ADAMTS6: variants seen among roughly 807,000 people sequenced by gnomAD.
The protein encoded by ADAMTS6 is ADAM metallopeptidase with thrombospondin type 1 motif 6.
Under a neutral mutation model 144.3 loss-of-function variants are expected in ADAMTS6, and 23 were observed. That is an observed-to-expected ratio of 0.16 (90% confidence interval 0.11 to 0.23). The LOEUF is 0.23. Ranked by LOEUF, ADAMTS6 falls within the 10% of genes least tolerant of loss-of-function variation. ADAMTS6 has a pLI of 1.00. For synonymous variants in ADAMTS6, 444 were observed against 457.5 expected (o/e 0.97, Z 0.38); for missense variants, 999 against 1,379.6 (o/e 0.72, Z 4.37).
intron 11 of ADAMTS6, among the ~76,000 whole-genome samples, chr5:65,276,483 C>CT (rs1012992001): frequency 2.6e-5 from 4 of 151,920 alleles, no homozygotes; most frequent in Non-Finnish European, 5.9e-5. Flanking sequence ...TTTCCCAAGA[C>CT]TTTTTTTTCT....
rs947173856 is a variant in ADAMTS6, at chr5:65,160,814, G to A, written c.3245-8869C>T. Among the ~76,000 whole-genome samples, 7 of 151,588 alleles carry A rather than the reference G, an allele frequency of 4.6e-5. No individual in the cohort carries two copies. The South Asian group carries it at 8.3e-4, about 18-fold the overall frequency. On this transcript the variant is annotated intron_variant, in intron 24 of 24. Coordinates refer to ENST00000381055, the MANE Select transcript of ADAMTS6 (RefSeq NM_197941.4). The stretch of plus-strand genomic sequence containing the variant: ...ATTACAGGCATGTGCCACCATGCCC[G>A]GATAATTTTGTATTTTTAGTAGAGA...
intron 7 of ADAMTS6, among the ~76,000 whole-genome samples, chr5:65,391,058 C>T (rs1752873390): frequency 6.6e-6 from 1 of 151,518 alleles, no homozygotes; most frequent in Non-Finnish European, 1.5e-5. Flanking sequence ...CTAGTTGAGA[C>T]TATAGGCACA....
At chr5:65,165,750 T>G (rs1753099440) in intron 24 of ADAMTS6, among the ~76,000 whole-genome samples, 1 of 76,866 alleles carries the variant, frequency 1.3e-5, no homozygotes, top group African/African-American at 5.7e-5. Flanking sequence ...GAAAAGAATT[T>G]TCAACCCAGA....
chr5:65,217,216 T>C (rs1756996273), intron 18 of ADAMTS6, among the ~76,000 whole-genome samples: 1 of 152,200 alleles, frequency 6.6e-6, no homozygotes, highest in Non-Finnish European at 1.5e-5. Flanking sequence ...GTACTTAAAA[T>C]TTTTTATTTT....
chr5:65,424,324 T>C (rs1756322088), intron 7 of ADAMTS6, among the ~76,000 whole-genome samples: 1 of 152,224 alleles, frequency 6.6e-6, no homozygotes, highest in African/African-American at 2.4e-5. Flanking sequence ...ATGGACAGTT[T>C]TAGTTAGAAA....
Position 65,221,683 on chromosome 5 carries a change from T to C in ADAMTS6, c.2272+2637A>G, listed in dbSNP as rs114794230. ...AAAAAGAAATAAAGGGCATAAAGAT[T>C]GGAAAGATAGAAGTAAAAGTGCCTT... On this transcript the variant is annotated intron_variant, in intron 18 of 24. Transcript: ENST00000381055. 2.1e-3 allele frequency among the ~76,000 whole-genome samples: 315 copies of C among 152,214 alleles called. 1 individual carries two copies. Among genetic ancestry groups the C allele is most frequent in the Non-Finnish European group, 3.7e-3 (253 of 67,982 alleles).
chr5:65,423,099 T>C (rs564661612), intron 7 of ADAMTS6, among the ~76,000 whole-genome samples: 2 of 152,286 alleles, frequency 1.3e-5, no homozygotes, highest in East Asian at 1.9e-4. Context: ...TTCTGAATTA[T>C]AAATGGGAGC....
chr5:65,392,225 C>T (rs1752981524), intron 7 of ADAMTS6, among the ~76,000 whole-genome samples: 1 of 147,894 alleles, frequency 6.8e-6, no homozygotes, highest in Non-Finnish European at 1.5e-5. Context: ...AAGATGTTAT[C>T]TGATTTCTCC....
chr5:65,443,801 CTA>C (rs1379823021), intron 7 of ADAMTS6, among the ~76,000 whole-genome samples: 12 of 149,936 alleles, frequency 8.0e-5, no homozygotes, highest in Admixed American at 8.0e-4. Context: ...TCTCAGCAAA[CTA>C]TGAACACAAG....
At chr5:65,234,228 AT>A in intron 15 of ADAMTS6, among the ~76,000 whole-genome samples, 1 of 152,126 alleles carries the variant, frequency 6.6e-6, no homozygotes, top group Middle Eastern at 3.4e-3. Flanking sequence ...CTTGGCAACG[AT>A]TTTTTGGATA....
Position 65,273,508 on chromosome 5 carries a change from A to C in ADAMTS6, c.1513-61T>G, listed in dbSNP as rs192026491. The C allele has an allele frequency of 1.1e-4, 149 of 1,348,742 alleles. 2 individuals carry two copies. In the East Asian group the frequency reaches 3.2e-3, roughly 29 times the overall value. The allele number at this position is 1,348,742 out of a possible 1,614,324, so 83.5% of individuals were successfully genotyped here. Reference sequence around the variant, plus strand: ...AGAGTCATGTCCAATTCTTCCATAAAATACACTTACAGTCACTCTGCATTA... The same window carrying C: ...AGAGTCATGTCCAATTCTTCCATAACATACACTTACAGTCACTCTGCATTA... On this transcript the variant is annotated intron_variant, in intron 11 of 24. Coordinates refer to ENST00000381055, the MANE Select transcript of ADAMTS6 (RefSeq NM_197941.4).
intron 7 of ADAMTS6, among the ~76,000 whole-genome samples, chr5:65,356,414 C>T (rs961158248): frequency 1.3e-4 from 19 of 151,774 alleles, no homozygotes; most frequent in African/African-American, 4.3e-4. Context: ...TATCATTGAA[C>T]CTCTCCACAA....
intron 3 of ADAMTS6, among the ~76,000 whole-genome samples, chr5:65,470,204 A>T (rs1760327697): frequency 6.6e-6 from 1 of 152,164 alleles, no homozygotes; most frequent in South Asian, 2.1e-4. Context: ...GATTACAGAC[A>T]TGAGCCACCT....
intron 7 of ADAMTS6, among the ~76,000 whole-genome samples, chr5:65,384,791 T>G (rs1208996110): frequency 2.0e-5 from 3 of 152,202 alleles, no homozygotes; most frequent in Non-Finnish European, 4.4e-5. Flanking sequence ...AACACCCCAC[T>G]TCTTGATACC....
chr5:65,449,280 T>C (rs1656966150), intron 7 of ADAMTS6, among the ~76,000 whole-genome samples: 1 of 152,236 alleles, frequency 6.6e-6, no homozygotes, highest in South Asian at 2.1e-4. Flanking sequence ...AATCCTGTTA[T>C]CATTTCTAGT....
At position 65,206,867 on chromosome 5, in the gene ADAMTS6, C is replaced by G. The variant is rs568220787; in HGVS notation, c.2575+7927G>C. ...ACACACACACACACACACACACACA[C>G]AAATACACACACACACAGACTCATA... On this transcript the variant is annotated intron_variant, in intron 20 of 24. Coordinates refer to ENST00000381055, the MANE Select transcript of ADAMTS6 (RefSeq NM_197941.4). Among the ~76,000 whole-genome samples the G allele has an allele frequency of 1.8e-4, 25 of 140,442 alleles. No individual in the cohort carries two copies. The East Asian group carries it at 3.9e-3, about 22-fold the overall frequency. 92.1% of individuals were successfully genotyped at this position (140,442 alleles called of 152,430 possible). A position where few individuals can be genotyped will look rare whatever the true frequency, so the allele number is the denominator to read the frequency against.
intron 9 of ADAMTS6, among the ~76,000 whole-genome samples, chr5:65,313,857 A>G (rs970055844): frequency 7.2e-5 from 11 of 152,120 alleles, no homozygotes; most frequent in Non-Finnish European, 1.2e-4. Flanking sequence ...TACACTTTAC[A>G]ACGCAAACAT....
intron 7 of ADAMTS6, among the ~76,000 whole-genome samples, chr5:65,377,911 A>G (rs1287953608): frequency 6.6e-6 from 1 of 152,162 alleles, no homozygotes; most frequent in East Asian, 1.9e-4. Flanking sequence ...TTTTCTGGCT[A>G]CTGTTTTTTG....
chr5:65,247,682 C>T (rs1297061670), intron 14 of ADAMTS6, among the ~76,000 whole-genome samples: 2 of 152,070 alleles, frequency 1.3e-5, no homozygotes, highest in Admixed American at 6.6e-5. Context: ...CCTTTCCTCT[C>T]CTCCTCTAAA....
Sources: allele counts gnomAD v4.1 joint callset (sites outside exome capture counted in the v4.1 genomes callset), GRCh38; gene constraint gnomAD v4.1.1; transcripts MANE v1.5; gene names NCBI Gene and HGNC (gene_info 2026-07-23, HGNC 2026-07-21).